Variants in LRRTM4 observed in about 807,000 individuals in gnomAD.
LRRTM4 encodes the protein leucine-rich repeat transmembrane neuronal protein 4.
In LRRTM4, 25 loss-of-function variants were observed where a neutral mutation model predicts 47.6. The ratio of observed to expected loss-of-function variants is 0.53; its 90% CI spans 0.38 to 0.73. LRRTM4 has a LOEUF of 0.73. Among genes scored for constraint, LRRTM4 ranks in the 30% least tolerant of loss-of-function variants. The probability of loss-of-function intolerance (pLI) is 0.00; values close to 1 mark genes in which losing one functional copy is unlikely to be tolerated. For synonymous variants in LRRTM4, 311 were observed against 269.5 expected, an observed-to-expected ratio of 1.15 and a Z score of -1.51; for missense variants, 638 against 713.4, an observed-to-expected ratio of 0.89 and a Z score of 1.20.
intron 3 of LRRTM4, among the ~76,000 whole-genome samples, chr2:76,962,819 G>A (rs940848172): frequency 1.3e-5 from 2 of 150,544 alleles, no homozygotes; most frequent in South Asian, 2.1e-4. Flanking sequence ...ACAGATAATT[G>A]CAATGCTATT....
At chr2:77,217,443 A>ATATATATATATATATATT (rs1192708795) in intron 3 of LRRTM4, among the ~76,000 whole-genome samples, 2 of 89,288 alleles carry the variant, frequency 2.2e-5, no homozygotes, top group African/African-American at 8.0e-5. Context: ...CAAATGAAAT[A>ATATATATATATATATATT]TATATATATA....
rs528733888 is a variant in LRRTM4, at chr2:76,889,064, TA to T, written c.1552-140149del. Among the ~76,000 whole-genome samples, 6 of 151,842 alleles carry T rather than the reference TA, an allele frequency of 4.0e-5. No individual in the cohort carries two copies. In the South Asian group the frequency reaches 1.2e-3, roughly 31 times the overall value. The stretch of plus-strand genomic sequence containing the variant: ...ATTAGAATGACAACATCACAAAGGC[TA>T]AAAATCTTATCAAAATTGAGTTTGA... On this transcript the variant is annotated intron_variant, in intron 3 of 3. Coordinates refer to ENST00000409884, the MANE Select transcript of LRRTM4 (RefSeq NM_001134745.3).
chr2:77,025,066 A>G (rs570955255), intron 3 of LRRTM4, among the ~76,000 whole-genome samples: 69 of 152,286 alleles, frequency 4.5e-4, no homozygotes, highest in African/African-American at 1.4e-3. Context: ...TGTGATAAAA[A>G]TCAGTACGTT....
chr2:77,105,451 T>C (rs1671069452), intron 3 of LRRTM4, among the ~76,000 whole-genome samples: 1 of 137,026 alleles, frequency 7.3e-6, no homozygotes, highest in African/African-American at 2.8e-5. Flanking sequence ...TAGGTGGGAA[T>C]TGAACAATGA....
intron 3 of LRRTM4, among the ~76,000 whole-genome samples, chr2:76,769,436 G>C (rs1673590988): frequency 6.6e-6 from 1 of 151,936 alleles, no homozygotes; most frequent in Admixed American, 6.6e-5. Context: ...ATTGGGAGTA[G>C]TTGACAGTGA....
At chr2:77,350,579 A>G (rs1239941890) in intron 3 of LRRTM4, among the ~76,000 whole-genome samples, 1 of 152,074 alleles carries the variant, frequency 6.6e-6, no homozygotes, top group African/African-American at 2.4e-5. Context: ...GTATAAAACT[A>G]ATTAAAAACC....
intron 3 of LRRTM4, among the ~76,000 whole-genome samples, chr2:76,916,241 C>A (rs930828993): frequency 6.6e-6 from 1 of 151,432 alleles, no homozygotes; most frequent in African/African-American, 2.4e-5. Flanking sequence ...AAAAATTAGC[C>A]GGGCGTGTTG....
intron 3 of LRRTM4, among the ~76,000 whole-genome samples, chr2:77,050,143 T>C (rs1679381576): frequency 6.6e-6 from 1 of 151,430 alleles, no homozygotes; most frequent in Non-Finnish European, 1.5e-5. Context: ...TTTTTTTTTT[T>C]TTTGCTTTGA....
intron 3 of LRRTM4, among the ~76,000 whole-genome samples, chr2:76,925,142 T>C (rs1674549572): frequency 6.6e-6 from 1 of 152,150 alleles, no homozygotes; most frequent in Non-Finnish European, 1.5e-5. Context: ...TTTTTGTTAA[T>C]AGGCAGATTA....
intron 3 of LRRTM4, among the ~76,000 whole-genome samples, chr2:77,057,014 T>A (rs1323254050): frequency 6.6e-6 from 1 of 152,222 alleles, no homozygotes; most frequent in East Asian, 1.9e-4. Flanking sequence ...AACATAGCCA[T>A]GACTATTCTT....
intron 3 of LRRTM4, among the ~76,000 whole-genome samples, chr2:77,472,966 T>C (rs879922260): frequency 6.6e-6 from 1 of 152,164 alleles, no homozygotes; most frequent in Non-Finnish European, 1.5e-5. Flanking sequence ...AAACCAATTG[T>C]GATATAAGGA....
At chr2:77,495,531 T>A (rs914819873) in intron 3 of LRRTM4, among the ~76,000 whole-genome samples, 29 of 152,070 alleles carry the variant, frequency 1.9e-4, no homozygotes, top group African/African-American at 6.0e-4. Flanking sequence ...GTTTCACATT[T>A]GCATTTAGGT....
intron 3 of LRRTM4, among the ~76,000 whole-genome samples, chr2:77,054,243 T>C (rs1415531443): frequency 6.6e-6 from 1 of 152,202 alleles, no homozygotes; most frequent in Non-Finnish European, 1.5e-5. Flanking sequence ...TGCAAATGTT[T>C]AGAAGCCACA....
chr2:77,100,543 C>T (rs1441853146), intron 3 of LRRTM4, among the ~76,000 whole-genome samples: 2 of 152,068 alleles, frequency 1.3e-5, no homozygotes, highest in Non-Finnish European at 2.9e-5. Context: ...TTCTACAGGA[C>T]ACATAACCTG....
chr2:76,885,632 ATTGT>A (rs1673052060), intron 3 of LRRTM4, among the ~76,000 whole-genome samples: 1 of 151,902 alleles, frequency 6.6e-6, no homozygotes, highest in Non-Finnish European at 1.5e-5. Flanking sequence ...CGTCCGGCTA[ATTGT>A]TTGTATTTTT....
At chr2:76,928,756 G>T (rs1389971041) in intron 3 of LRRTM4, among the ~76,000 whole-genome samples, 2 of 152,196 alleles carry the variant, frequency 1.3e-5, no homozygotes, top group East Asian at 3.9e-4. Flanking sequence ...ATTAAAAAAT[G>T]CTTGTCAAGT....
chr2:76,898,199 T>C (rs190035832), intron 3 of LRRTM4, among the ~76,000 whole-genome samples: 1 of 112,062 alleles, frequency 8.9e-6, no homozygotes, highest in African/African-American at 2.6e-5. Context: ...AGAGACTATG[T>C]ACTTGCTTTT....
chr2:76,914,868 G>A (rs915668392), intron 3 of LRRTM4, among the ~76,000 whole-genome samples: 9 of 152,164 alleles, frequency 5.9e-5, no homozygotes, highest in Non-Finnish European at 1.0e-4. Context: ...AAGAGCAAAG[G>A]CTCTAGATCA....
chr2:77,082,390 T>G (rs1680561610), intron 3 of LRRTM4, among the ~76,000 whole-genome samples: 1 of 152,156 alleles, frequency 6.6e-6, no homozygotes, highest in South Asian at 2.1e-4. Flanking sequence ...TTATGCTGTA[T>G]TTTGTTCTTT....
Sources: allele counts gnomAD v4.1 joint callset (sites outside exome capture counted in the v4.1 genomes callset), GRCh38; gene constraint gnomAD v4.1.1; transcripts MANE v1.5; gene names NCBI Gene and HGNC (gene_info 2026-07-23, HGNC 2026-07-21).